LIPC: variants seen among roughly 807,000 people sequenced by gnomAD.
The protein encoded by LIPC is lipase C, hepatic type, also known as hepatic triacylglycerol lipase.
In LIPC, 44 loss-of-function variants were observed where a neutral mutation model predicts 50.7. The ratio of observed to expected loss-of-function variants is 0.87; its 90% CI spans 0.68 to 1.11. The LOEUF (loss-of-function observed/expected upper bound fraction) is 1.11, where lower values mean the gene tolerates loss of function less well. Ranked by LOEUF, LIPC falls within the 50% of genes most tolerant of loss-of-function variation. The pLI is 0.00. For synonymous variants in LIPC, 271 were observed against 256.4 expected (o/e 1.06, Z -0.54); for missense variants, 697 against 648.2 (o/e 1.08, Z -0.82).
At chr15:58,486,315 G>A (rs1224385708) in intron 1 of LIPC, among the ~76,000 whole-genome samples, 4 of 152,264 alleles carry the variant, frequency 2.6e-5, no homozygotes, top group South Asian at 4.1e-4. Context: ...TGGGCCTAAC[G>A]GATGTTCTGG....
At chr15:58,519,142 C>G (rs1386606349) in intron 1 of LIPC, among the ~76,000 whole-genome samples, 1 of 152,104 alleles carries the variant, frequency 6.6e-6, no homozygotes, top group African/African-American at 2.4e-5. Context: ...AGCGCAGTGG[C>G]TCACGCCTGT....
intron 2 of LIPC, among the ~76,000 whole-genome samples, chr15:58,541,292 G>A (rs1893313608): frequency 6.6e-6 from 1 of 152,060 alleles, no homozygotes; most frequent in African/African-American, 2.4e-5. Flanking sequence ...GCTAAGTCCA[G>A]CATAACGCAG....
At chr15:58,549,668 A>G (rs575452965) in intron 6 of LIPC, among the ~76,000 whole-genome samples, 19 of 152,302 alleles carry the variant, frequency 1.2e-4, no homozygotes, top group Non-Finnish European at 2.5e-4. Flanking sequence ...TTCTCTGTGT[A>G]TCGGAACTTT....
intron 1 of LIPC, among the ~76,000 whole-genome samples, chr15:58,476,572 T>G (rs558469839): frequency 6.6e-6 from 1 of 152,250 alleles, no homozygotes; most frequent in South Asian, 2.1e-4. Context: ...CATACAAAAC[T>G]CAGGCATGGG....
At chr15:58,477,114 C>T (rs933474533) in intron 1 of LIPC, among the ~76,000 whole-genome samples, 3 of 152,184 alleles carry the variant, frequency 2.0e-5, no homozygotes, top group East Asian at 1.9e-4. Flanking sequence ...ATTTTCCCTT[C>T]GACTATAGTC....
intron 8 of LIPC, chr15:58,564,125 A>C: frequency 4.5e-6 from 1 of 223,146 alleles, no homozygotes; most frequent in South Asian, 6.9e-5. Context: ...ATCTTTTAAC[A>C]GATCACAATA....
chr15:58,499,234 G>A (rs756233716), intron 1 of LIPC, among the ~76,000 whole-genome samples: 12 of 152,148 alleles, frequency 7.9e-5, no homozygotes, highest in African/African-American at 2.2e-4. Context: ...GTACTTTGTC[G>A]CCTGCCTCTA....
At position 58,559,716 on chromosome 15, in the gene LIPC, A is replaced by C. The variant is rs568391074; in HGVS notation, c.1052-1148A>C. Reference sequence around the variant, plus strand: ...AGACCCTGTCTCAAAAAAAAAAAAAAAAAAAAAAACCCAAAACAAAAACAA... The same window carrying C: ...AGACCCTGTCTCAAAAAAAAAAAAACAAAAAAAAACCCAAAACAAAAACAA... On this transcript the variant is annotated intron_variant, in intron 6 of 8. Transcript: ENST00000299022. 3.9e-3 allele frequency among the ~76,000 whole-genome samples: 304 copies of C among 78,522 alleles called. 2 individuals are homozygous for C. The highest frequency in any genetic ancestry group is 0.012 in the African/African-American group (270 of 22,912). The allele number at this position is 78,522 out of a possible 152,430, so 51.5% of individuals were successfully genotyped here.
chr15:58,548,419 T>C lies in LIPC; in HGVS notation c.898T>C (p.Tyr300His), dbSNP rs770900492. 6.2e-7 allele frequency: 1 copy of C among 1,614,146 alleles called. No homozygotes were observed. The highest frequency in any genetic ancestry group is 8.5e-7 in the Non-Finnish European group (1 of 1,180,040). The change falls in exon 6 of 9, where the codon TAC (tyrosine) becomes CAC (histidine). Residue 300 changes from tyrosine to histidine, a missense_variant. Coordinates refer to ENST00000299022, the MANE Select transcript of LIPC (RefSeq NM_000236.3). The stretch of plus-strand genomic sequence containing the variant: ...GCACGCCGGCACGCAGAGCATGGCC[T>C]ACCCGTGTGGTGACATGAACAGCTT... ...LLHAGTQSMA[Y>H]PCGDMNSFSQ...
chr15:58,545,565 A>G lies in LIPC; in HGVS notation c.575-177A>G, dbSNP rs4775075. ...CTGTGTGTCATTGTTAGCACCATGA[A>G]CTACTGTGGTTTTACTGAGAAAAGG... On this transcript the variant is annotated intron_variant, in intron 4 of 8. Coordinates refer to ENST00000299022, the MANE Select transcript of LIPC (RefSeq NM_000236.3). 0.11 allele frequency among the ~76,000 whole-genome samples: 16,356 copies of G among 152,238 alleles called. 1,225 individuals carry two copies. Among genetic ancestry groups the G allele is most frequent in the East Asian group, 0.41 (2,104 of 5,172 alleles).
intron 1 of LIPC, among the ~76,000 whole-genome samples, chr15:58,471,402 C>T (rs1428232197): frequency 1.3e-5 from 2 of 151,202 alleles, no homozygotes; most frequent in Non-Finnish European, 2.9e-5. Flanking sequence ...CCAGCCTTGG[C>T]CTCCCAAAGT....
chr15:58,543,549 AG>A (rs1345666362), intron 4 of LIPC, among the ~76,000 whole-genome samples: 2 of 152,198 alleles, frequency 1.3e-5, no homozygotes, highest in African/African-American at 4.8e-5. Flanking sequence ...AAGACCCAGC[AG>A]GCTCAAACAA....
At chr15:58,563,031 T>A (rs1369731482) in intron 7 of LIPC, among the ~76,000 whole-genome samples, 1 of 152,232 alleles carries the variant, frequency 6.6e-6, no homozygotes, top group Non-Finnish European at 1.5e-5. Flanking sequence ...CCTTTTTATG[T>A]GTAGTTTTTC....
chr15:58,490,607 C>T (rs1891553160), intron 1 of LIPC, among the ~76,000 whole-genome samples: 1 of 152,158 alleles, frequency 6.6e-6, no homozygotes, highest in South Asian at 2.1e-4. Context: ...CTGTTTTCCC[C>T]TCATAGTTTC....
intron 1 of LIPC, among the ~76,000 whole-genome samples, chr15:58,465,086 G>A (rs531234406): frequency 6.6e-6 from 1 of 152,274 alleles, no homozygotes; most frequent in East Asian, 1.9e-4. Flanking sequence ...GGAAAGAAAA[G>A]CCCTATCACT....
intron 8 of LIPC, among the ~76,000 whole-genome samples, chr15:58,567,787 C>T (rs1894441515): frequency 6.6e-6 from 1 of 152,156 alleles, no homozygotes; most frequent in Non-Finnish European, 1.5e-5. Context: ...CATGATGCCA[C>T]TCAATATATG....
intron 8 of LIPC, among the ~76,000 whole-genome samples, chr15:58,564,546 G>T (rs913285091): frequency 7.3e-5 from 11 of 151,148 alleles, no homozygotes; most frequent in African/African-American, 2.7e-4. Flanking sequence ...TGGCCGACAT[G>T]GTGAAATCCC....
At chr15:58,493,869 G>T (rs139277805) in intron 1 of LIPC, among the ~76,000 whole-genome samples, 1 of 152,124 alleles carries the variant, frequency 6.6e-6, no homozygotes, top group East Asian at 1.9e-4. Flanking sequence ...TTCATGAGAC[G>T]CACAGGAAGA....
intron 4 of LIPC, 145 bp from the exon 5 acceptor site, chr15:58,545,597 C>T (rs1262761597): frequency 8.8e-6 from 6 of 682,532 alleles, no homozygotes; most frequent in African/African-American, 3.6e-5. Context: ...AAGGTTACGG[C>T]GAGGTTTTCT....
Sources: gnomAD v4.1 joint callset for allele counts (sites outside exome capture counted in the v4.1 genomes callset) on GRCh38, gnomAD v4.1.1 for gene constraint, MANE v1.5 for transcripts, NCBI Gene and HGNC (gene_info 2026-07-23, HGNC 2026-07-21) for gene names.